RANBP2: variants seen among roughly 807,000 people sequenced by gnomAD.
The protein encoded by RANBP2 is E3 SUMO-protein ligase RanBP2.
RANBP2 carries 57 observed loss-of-function variants against 303.6 expected under a neutral mutation model. That is an observed-to-expected ratio of 0.19 (90% CI 0.15 to 0.23). The LOEUF is 0.23. Ranked by LOEUF, RANBP2 falls within the 10% of genes least tolerant of loss-of-function variation. The pLI is 1.00. For synonymous variants in RANBP2, 1,167 were observed against 1,301.5 expected (o/e 0.90, Z 2.23); for missense variants, 3,138 against 3,780.8 (o/e 0.83, Z 4.46).
the RANBP2 span, among the ~76,000 whole-genome samples, chr2:109,414,034 T>C: frequency 3.9e-5 from 6 of 152,176 alleles, no homozygotes; most frequent in East Asian, 1.2e-3. Flanking sequence ...CAATGGACAA[T>C]GACATTCCCT....
the RANBP2 span, among the ~76,000 whole-genome samples, chr2:109,438,998 GC>G: frequency 2.0e-5 from 3 of 152,178 alleles, no homozygotes; most frequent in Non-Finnish European, 2.9e-5. Context: ...GCATCCCAGT[GC>G]AGTGGCCCTG....
the RANBP2 span, chr2:108,794,495 A>G: frequency 2.0e-6 from 3 of 1,521,004 alleles, no homozygotes; most frequent in Admixed American, 2.0e-5. Flanking sequence ...TATTTGAAAC[A>G]ATAAGTTAAT....
the RANBP2 span, chr2:108,897,059 CAA>C: frequency 6.2e-7 from 1 of 1,614,180 alleles, no homozygotes; most frequent in Non-Finnish European, 8.5e-7. Flanking sequence ...CTGATGCGGT[CAA>C]AGAGTTGCAT....
chr2:108,723,066 G>A (rs1398426865), intron 1 of RANBP2, among the ~76,000 whole-genome samples: 3 of 151,884 alleles, frequency 2.0e-5, no homozygotes, highest in Non-Finnish European at 4.4e-5. Flanking sequence ...TTTTAGAATA[G>A]GGTCTTGCTG....
chr2:109,342,142 G>A, the RANBP2 span, among the ~76,000 whole-genome samples: 4 of 152,200 alleles, frequency 2.6e-5, no homozygotes, highest in South Asian at 8.3e-4. Context: ...ATAACTCTGG[G>A]CCTTTGCATG....
the RANBP2 span, among the ~76,000 whole-genome samples, chr2:109,114,933 T>C: frequency 6.6e-6 from 1 of 152,240 alleles, no homozygotes; most frequent in Admixed American, 6.5e-5. Context: ...TTCCATGTAG[T>C]TGAGCAGTTT....
chr2:108,973,047 C>G, the RANBP2 span, among the ~76,000 whole-genome samples: 1 of 151,966 alleles, frequency 6.6e-6, no homozygotes. Context: ...ACTGCAGTGG[C>G]GCAATTTCAG....
the RANBP2 span, among the ~76,000 whole-genome samples, chr2:109,051,960 G>C: frequency 2.0e-4 from 30 of 152,138 alleles, no homozygotes; most frequent in African/African-American, 7.2e-4. Context: ...GTGTTAGCCA[G>C]GATGGTCTCG....
At chr2:108,744,178 C>T (rs1192745422) in intron 7 of RANBP2, among the ~76,000 whole-genome samples, 2 of 152,048 alleles carry the variant, frequency 1.3e-5, no homozygotes, top group African/African-American at 2.4e-5. Flanking sequence ...CTGAGGCGGG[C>T]GGATCACTTG....
At chr2:108,782,045 CT>C (rs972770664) in intron 26 of RANBP2, 82 bp from the exon 27 acceptor site, 2 of 1,510,276 alleles carry the variant, frequency 1.3e-6, no homozygotes, top group African/African-American at 2.8e-5. Flanking sequence ...AAGAAAATGC[CT>C]TAAAAGAATT....
the RANBP2 span, among the ~76,000 whole-genome samples, chr2:109,380,140 G>T: frequency 6.6e-6 from 1 of 152,180 alleles, no homozygotes; most frequent in East Asian, 1.9e-4. Flanking sequence ...ACATACATGG[G>T]TGTTCATTGT....
chr2:109,072,088 A>T, the RANBP2 span, among the ~76,000 whole-genome samples: 1 of 152,130 alleles, frequency 6.6e-6, no homozygotes, highest in African/African-American at 2.4e-5. Flanking sequence ...CTGGCCAAAT[A>T]TTTGTTGTGG....
the RANBP2 span, among the ~76,000 whole-genome samples, chr2:109,308,011 A>C: frequency 2.8e-5 from 4 of 144,676 alleles, no homozygotes; most frequent in East Asian, 4.0e-4. Flanking sequence ...TGACTTCCAC[A>C]ATGGTTGAAC....
At chr2:108,982,878 C>G in the RANBP2 span, among the ~76,000 whole-genome samples, 537 of 152,316 alleles carry the variant, frequency 3.5e-3, 2 homozygotes, top group African/African-American at 0.012. Context: ...GGCCACAGAA[C>G]AAGGACTGGC....
the RANBP2 span, among the ~76,000 whole-genome samples, chr2:109,035,363 G>A: frequency 1.1e-4 from 17 of 152,036 alleles, no homozygotes; most frequent in Non-Finnish European, 1.3e-4. Flanking sequence ...AAAATATCTG[G>A]ACATAACACA....
chr2:109,178,682 A>G, the RANBP2 span, among the ~76,000 whole-genome samples: 23 of 152,274 alleles, frequency 1.5e-4, no homozygotes, highest in African/African-American at 5.5e-4. Flanking sequence ...CCAGGAATTC[A>G]CTTTGTCAAA....
chr2:109,589,206 G>A, the RANBP2 span, among the ~76,000 whole-genome samples: 3 of 151,928 alleles, frequency 2.0e-5, no homozygotes, highest in Non-Finnish European at 2.9e-5. Flanking sequence ...GCAGTCGTGC[G>A]ACCTTGGCAC....
chr2:109,421,936 A>G, the RANBP2 span, among the ~76,000 whole-genome samples: 1 of 152,250 alleles, frequency 6.6e-6, no homozygotes, highest in African/African-American at 2.4e-5. Context: ...TGCATTCTGA[A>G]AACATGACAT....
chr2:109,643,593 C>G, the RANBP2 span, among the ~76,000 whole-genome samples: 1 of 151,822 alleles, frequency 6.6e-6, no homozygotes, highest in South Asian at 2.1e-4. Flanking sequence ...AACCCCATCT[C>G]TACTAAAAAT....
Sources: allele counts gnomAD v4.1 joint callset (sites outside exome capture counted in the v4.1 genomes callset), GRCh38; gene constraint gnomAD v4.1.1; transcripts MANE v1.5; gene names NCBI Gene and HGNC (gene_info 2026-07-23, HGNC 2026-07-21).